Variants in C8orf34 observed in about 807,000 individuals in gnomAD.
The protein encoded by C8orf34 is chromosome 8 open reading frame 34.
C8orf34 carries 65 observed loss-of-function variants against 68.3 expected under a neutral mutation model. That is an observed-to-expected ratio of 0.95 (90% CI 0.78 to 1.17). The LOEUF is 1.17. Among genes scored for constraint, C8orf34 ranks in the 50% most tolerant of loss-of-function variants. C8orf34 has a pLI of 0.00. For synonymous variants in C8orf34, 244 were observed against 241.2 expected (o/e 1.01, Z -0.11); for missense variants, 664 against 655.4 (o/e 1.01, Z -0.14).
chr8:68,779,180 A>AACACACACACACACAC (rs10550333), intron 11 of C8orf34, among the ~76,000 whole-genome samples: 1 of 139,156 alleles, frequency 7.2e-6, no homozygotes, highest in Non-Finnish European at 1.6e-5. Context: ...CTGTCTCTGA[A>AACACACACACACACAC]ACACACACAC....
intron 12 of C8orf34, among the ~76,000 whole-genome samples, chr8:68,810,456 AG>A (rs1342588051): frequency 6.6e-6 from 1 of 152,108 alleles, no homozygotes; most frequent in East Asian, 1.9e-4. Context: ...TGGCTCAGGG[AG>A]CTCCTACTTC....
intron 5 of C8orf34, among the ~76,000 whole-genome samples, chr8:68,520,965 G>T (rs1245710276): frequency 1.3e-5 from 2 of 152,176 alleles, no homozygotes; most frequent in Admixed American, 1.3e-4. Context: ...CCTTCATTCA[G>T]ATAAAGGCAC....
intron 5 of C8orf34, among the ~76,000 whole-genome samples, chr8:68,515,718 C>G (rs1814483388): frequency 6.6e-6 from 1 of 152,116 alleles, no homozygotes; most frequent in Non-Finnish European, 1.5e-5. Context: ...AGGTTTTTCA[C>G]TGAATGTAAT....
chr8:68,792,231 GA>G (rs1429061371), intron 12 of C8orf34: 2 of 152,068 alleles, frequency 1.3e-5, no homozygotes, highest in Non-Finnish European at 2.9e-5. Flanking sequence ...AGAAAGGAAA[GA>G]AATAAGACAA....
intron 1 of C8orf34, among the ~76,000 whole-genome samples, chr8:68,434,303 C>T (rs1810566672): frequency 6.6e-6 from 1 of 152,158 alleles, no homozygotes; most frequent in South Asian, 2.1e-4. Flanking sequence ...TCCCCTTACC[C>T]CCAGTGTGTG....
intron 8 of C8orf34, chr8:68,695,784 GT>G (rs1233728786): frequency 7.9e-5 from 12 of 152,028 alleles, no homozygotes; most frequent in African/African-American, 2.7e-4. Flanking sequence ...TGAATCCAGT[GT>G]AATTTCCTTT....
intron 1 of C8orf34, among the ~76,000 whole-genome samples, chr8:68,411,836 G>A (rs1451060399): frequency 2.0e-5 from 3 of 152,170 alleles, no homozygotes; most frequent in Admixed American, 6.6e-5. Context: ...TTTCATGTGT[G>A]TTTAGGGCTT....
At chr8:68,764,402 C>T (rs1357360892) in intron 10 of C8orf34, among the ~76,000 whole-genome samples, 1 of 152,168 alleles carries the variant, frequency 6.6e-6, no homozygotes, top group Non-Finnish European at 1.5e-5. Flanking sequence ...AAGGTTGGGT[C>T]TGTGGAGTCA....
chr8:68,543,830 AC>A (rs781562825), intron 7 of C8orf34, among the ~76,000 whole-genome samples: 1 of 152,240 alleles, frequency 6.6e-6, no homozygotes. Flanking sequence ...GTAACCCTCC[AC>A]ATTGAACAGT....
chr8:68,720,958 A>G (rs950113547), intron 9 of C8orf34, among the ~76,000 whole-genome samples: 2 of 151,986 alleles, frequency 1.3e-5, no homozygotes, highest in Non-Finnish European at 2.9e-5. Context: ...AGAGAGCACA[A>G]AATATTACTC....
chr8:68,508,092 C>T (rs571122197), intron 5 of C8orf34, among the ~76,000 whole-genome samples: 1 of 152,232 alleles, frequency 6.6e-6, no homozygotes, highest in Non-Finnish European at 1.5e-5. Context: ...CTGGAAAGAC[C>T]AGAGATAAGA....
At chr8:68,417,209 T>C (rs1809710866) in intron 1 of C8orf34, among the ~76,000 whole-genome samples, 1 of 152,218 alleles carries the variant, frequency 6.6e-6, no homozygotes, top group South Asian at 2.1e-4. Context: ...TCTTAGAGCA[T>C]TTTTAGGTTT....
intron 8 of C8orf34, among the ~76,000 whole-genome samples, chr8:68,662,952 T>C (rs1819726734): frequency 6.6e-6 from 1 of 152,252 alleles, no homozygotes; most frequent in South Asian, 2.1e-4. Context: ...TTGAGCTGAT[T>C]GTTTTGACAA....
chr8:68,331,783 CTTTTTTTTTTTTT>C (rs552564162), intron 1 of C8orf34, among the ~76,000 whole-genome samples: 875 of 29,570 alleles, frequency 0.03, 61 homozygotes, highest in African/African-American at 0.084. Context: ...TTCTTTCCTT[CTTTTTTTTTTTTT>C]TTTTTTTTTT....
chr8:68,604,199 A>G (rs1817786444), intron 7 of C8orf34, among the ~76,000 whole-genome samples: 1 of 152,084 alleles, frequency 6.6e-6, no homozygotes, highest in Admixed American at 6.5e-5. Flanking sequence ...TATGACATGA[A>G]GAAGAGACCA....
intron 8 of C8orf34, among the ~76,000 whole-genome samples, chr8:68,696,769 C>T (rs1820847303): frequency 6.6e-6 from 1 of 152,030 alleles, no homozygotes; most frequent in Non-Finnish European, 1.5e-5. Context: ...CTTTGCTTCA[C>T]TTTTTACTAA....
intron 7 of C8orf34, among the ~76,000 whole-genome samples, chr8:68,606,330 G>C (rs958937953): frequency 2.6e-5 from 4 of 152,016 alleles, no homozygotes; most frequent in African/African-American, 7.2e-5. Context: ...CCAGTGCCTG[G>C]AATAATGTAT....
At chr8:68,505,039 T>C (rs890222410) in intron 5 of C8orf34, among the ~76,000 whole-genome samples, 1 of 152,010 alleles carries the variant, frequency 6.6e-6, no homozygotes, top group African/African-American at 2.4e-5. Context: ...AGTCTCGAAC[T>C]CTTGACCTTA....
At chr8:68,681,516 T>C (rs1004942616) in intron 8 of C8orf34, among the ~76,000 whole-genome samples, 1 of 152,146 alleles carries the variant, frequency 6.6e-6, no homozygotes. Context: ...CAGCAACAGA[T>C]GCTGGTGAGA....
Sources: allele counts gnomAD v4.1 joint callset (sites outside exome capture counted in the v4.1 genomes callset), GRCh38; gene constraint gnomAD v4.1.1; transcripts MANE v1.5; gene names NCBI Gene and HGNC (gene_info 2026-07-23, HGNC 2026-07-21).